The following MERTK variants were observed in gnomAD, a reference collection of about 807,000 sequenced individuals.
MERTK encodes MER proto-oncogene, tyrosine kinase, also known as tyrosine-protein kinase Mer.
A neutral mutation model predicts 99.3 loss-of-function variants in MERTK; 69 were observed. The observed-to-expected ratio is 0.70, with a 90% CI of 0.57 to 0.85. The LOEUF (loss-of-function observed/expected upper bound fraction) is 0.85. Ranked by LOEUF, MERTK falls within the 40% of genes least tolerant of loss-of-function variation. MERTK has a pLI of 0.00. For missense variants in MERTK, 1,125 were observed against 1,249.4 expected (o/e 0.90, Z 1.50); for synonymous variants, 426 against 467.6 (o/e 0.91, Z 1.15).
At chr2:111,945,139 T>A in intron 3 of MERTK, 79 bp downstream of exon 3, 1 of 1,157,750 alleles carries the variant, frequency 8.6e-7, no homozygotes, top group Non-Finnish European at 1.3e-6. Flanking sequence ...TGTATAATAC[T>A]CTAGAGTTTT....
In MERTK at chr2:111,929,595, T is replaced by TTTATTTATTTATTTAC. The variant is rs1219656385; in HGVS notation, c.482+58_482+59insTTTATTTATTTACTTA. On this transcript the variant is annotated intron_variant, in intron 2 of 18. Transcript: ENST00000295408. The stretch of plus-strand genomic sequence containing the variant: ...TTTAGTTTTAATATTTATTTATTTA[T>TTTATTTATTTATTTAC]TTACTTATTGAGACAGAGTATCATT... The TTTATTTATTTATTTAC allele has an allele frequency of 1.3e-5, 16 of 1,275,460 alleles. No homozygotes were observed. The African/African-American group carries it at 1.8e-4, about 15-fold the overall frequency. The allele number at this position is 1,275,460 out of a possible 1,614,324, so 79.0% of individuals were successfully genotyped here.
chr2:112,007,298 G>A (rs1011264625), intron 13 of MERTK, among the ~76,000 whole-genome samples: 2 of 152,138 alleles, frequency 1.3e-5, no homozygotes, highest in Non-Finnish European at 2.9e-5. Context: ...GGAACTACAG[G>A]CGCCCGCCAC....
intron 18 of MERTK, among the ~76,000 whole-genome samples, chr2:112,023,019 C>T (rs368242522): frequency 2.0e-5 from 3 of 152,158 alleles, no homozygotes; most frequent in South Asian, 2.1e-4. Context: ...GGCTCATGCA[C>T]GTTATCCCAA....
chr2:111,977,400 C>T (rs545334201), intron 7 of MERTK, among the ~76,000 whole-genome samples: 48 of 152,272 alleles, frequency 3.2e-4, no homozygotes, highest in African/African-American at 1.1e-3. Flanking sequence ...CCTATCTTCT[C>T]GCTTGCATTG....
chr2:112,003,920 A>G lies in MERTK; in HGVS notation c.1803A>G (p.Val601=). The G allele has an allele frequency of 6.2e-7, 1 of 1,613,580 alleles. No homozygotes were observed. The highest frequency in any genetic ancestry group is 1.7e-4 in the Middle Eastern group (1 of 6,054). ...ACTTCACAGGAGAGTTTGGGTCTGT[A>G]ATGGAAGGAAATCTTAAGCAGGAAG... ...KILGEGEFGS[V]MEGNLKQEDG... Residue 601 remains valine (V), a synonymous_variant, in exon 13 of 19, where the codon GTA becomes GTG. Transcript: ENST00000295408.
At chr2:112,009,829 A>G (rs11884641) in intron 14 of MERTK, 119 bp from the exon 15 acceptor site, 212,952 of 817,702 alleles carry the variant, frequency 0.26, 30,071 homozygotes, top group Admixed American at 0.37. Flanking sequence ...GGCGCTCTTG[A>G]TTTTTTCAAA....
intron 7 of MERTK, among the ~76,000 whole-genome samples, chr2:111,980,699 T>C (rs1400704474): frequency 6.6e-6 from 1 of 152,160 alleles, no homozygotes; most frequent in Non-Finnish European, 1.5e-5. Context: ...ATTACAGGCG[T>C]GACCCACTGC....
At chr2:111,921,718 G>A (rs1684462283) in intron 1 of MERTK, among the ~76,000 whole-genome samples, 1 of 152,022 alleles carries the variant, frequency 6.6e-6, no homozygotes, top group African/African-American at 2.4e-5. Context: ...TGAAAGATAA[G>A]CCCTCACTCT....
At chr2:111,953,005 G>C (rs967363075) in intron 4 of MERTK, among the ~76,000 whole-genome samples, 1 of 152,126 alleles carries the variant, frequency 6.6e-6, no homozygotes, top group East Asian at 1.9e-4. Flanking sequence ...TTGAAGGCAG[G>C]AACTGAAGGA....
chr2:111,904,575 C>T (rs554931801), intron 1 of MERTK, among the ~76,000 whole-genome samples: 6 of 152,122 alleles, frequency 3.9e-5, no homozygotes, highest in East Asian at 1.9e-4. Flanking sequence ...GGGGTTTCAC[C>T]GTGTTGGGCA....
chr2:111,957,088 C>T (rs936779660), intron 4 of MERTK, among the ~76,000 whole-genome samples: 7 of 151,866 alleles, frequency 4.6e-5, no homozygotes, highest in East Asian at 1.9e-4. Context: ...CCACCTAGCC[C>T]GGCTAATTTT....
intron 14 of MERTK, chr2:112,008,727 G>C (rs55766181): frequency 0.25 from 140,544 of 561,192 alleles, 19,125 homozygotes; most frequent in Admixed American, 0.33. Context: ...TTCTAGGAGA[G>C]TGTGAATTAA....
chr2:111,975,348 A>G lies in MERTK; in HGVS notation c.1020A>G (p.Leu340=). The G allele has an allele frequency of 6.2e-7, 1 of 1,614,188 alleles. No homozygotes were observed. The highest frequency in any genetic ancestry group is 8.5e-7 in the Non-Finnish European group (1 of 1,180,026). ...TCATGATTTTTAACACCTCTGCCTT[A>G]CCACATCTGTACCAAATCAAGCAGC... ...GSVMIFNTSA[L]PHLYQIKQLQ... is the part of the protein sequence containing the mutation. The change falls in exon 7 of 19, where the codon TTA becomes TTG. Residue 340 remains leucine, a synonymous_variant. Coordinates refer to ENST00000295408, the MANE Select transcript of MERTK (RefSeq NM_006343.3).
intron 8 of MERTK, among the ~76,000 whole-genome samples, chr2:111,989,608 G>A (rs551939468): frequency 6.6e-6 from 1 of 152,138 alleles, no homozygotes; most frequent in Non-Finnish European, 1.5e-5. Context: ...ACCCGCCTCG[G>A]CCTCCCAAAG....
intron 1 of MERTK, among the ~76,000 whole-genome samples, chr2:111,925,013 A>G (rs1047856300): frequency 4.0e-5 from 6 of 151,780 alleles, no homozygotes; most frequent in Non-Finnish European, 8.8e-5. Flanking sequence ...CTAGCACCTA[A>G]CCTGGGGGTG....
chr2:111,983,105 A>G (rs1025153612), intron 8 of MERTK, 112 bp downstream of exon 8: 3 of 1,245,094 alleles, frequency 2.4e-6, no homozygotes, highest in Non-Finnish European at 3.5e-6. Context: ...TGATTGAGTT[A>G]GGCAAGGCAC....
At chr2:111,982,468 A>C (rs1290077714) in intron 7 of MERTK, among the ~76,000 whole-genome samples, 3 of 152,012 alleles carry the variant, frequency 2.0e-5, no homozygotes, top group Admixed American at 2.0e-4. Flanking sequence ...CTGTAGCCTC[A>C]ATCTCCTGGG....
rs886865411 is a variant in MERTK at position 111,992,829 on chromosome 2, C to G, written c.1297-1422C>G. Among the ~76,000 whole-genome samples the G allele has an allele frequency of 4.6e-5, 7 of 152,064 alleles. 1 individual carries two copies. In the South Asian group the frequency reaches 1.5e-3, roughly 32 times the overall value. On this transcript the variant is annotated intron_variant, in intron 8 of 18. Transcript: ENST00000295408. ...CTTTTCCTAAGTTCTGTGAGCCACT[C>G]TAGCAAATTAAACAAACTCAAGGAG...
intron 15 of MERTK, chr2:112,010,356 C>T: frequency 2.6e-6 from 1 of 381,812 alleles, no homozygotes; most frequent in Non-Finnish European, 5.1e-6. Context: ...CTGCACTTCA[C>T]AACCCTCATG....
Sources: gnomAD v4.1 joint callset for allele counts (sites outside exome capture counted in the v4.1 genomes callset) on GRCh38, gnomAD v4.1.1 for gene constraint, MANE v1.5 for transcripts, NCBI Gene and HGNC (gene_info 2026-07-23, HGNC 2026-07-21) for gene names.